The following MIA2 variants were observed in gnomAD, a reference collection of about 807,000 sequenced individuals.
MIA2 encodes MIA SH3 domain ER export factor 2.
MIA2 carries 127 observed loss-of-function variants against 167.8 expected under a neutral mutation model. The observed-to-expected ratio is 0.76, with a 90% CI of 0.66 to 0.88. The LOEUF (loss-of-function observed/expected upper bound fraction) is 0.88, where lower values mean the gene tolerates loss of function less well. Ranked by LOEUF, MIA2 falls within the 40% of genes least tolerant of loss-of-function variation. MIA2 has a pLI of 0.00. For missense variants in MIA2, 1,690 were observed against 1,624.7 expected, an observed-to-expected ratio of 1.04 and a Z score of -0.69; for synonymous variants, 552 against 541.9, an observed-to-expected ratio of 1.02 and a Z score of -0.26.
At chr14:39,359,854 G>A (rs911298860) in intron 23 of MIA2, among the ~76,000 whole-genome samples, 3 of 152,140 alleles carry the variant, frequency 2.0e-5, no homozygotes, top group Non-Finnish European at 4.4e-5. Flanking sequence ...CCCAGTTAAT[G>A]GCATTGCAGG....
At chr14:39,263,423 G>A (rs1455915033) in intron 6 of MIA2, among the ~76,000 whole-genome samples, 4 of 149,696 alleles carry the variant, frequency 2.7e-5, no homozygotes, top group East Asian at 2.0e-4. Flanking sequence ...TTGTAGAGAC[G>A]AGAGCTCACT....
At position 39,345,906 on chromosome 14, in the gene MIA2, C is replaced by A; in HGVS notation, c.3658C>A (p.Gln1220Lys). 1 of 1,602,956 alleles carries A rather than the reference C, an allele frequency of 6.2e-7. No individual in the cohort carries two copies. Among genetic ancestry groups the A allele is most frequent in the Admixed American group, 1.7e-5 (1 of 57,952 alleles). Residue 1220 changes from glutamine to lysine, a missense_variant and splice_region_variant, in exon 26 of 29, where the codon CAA becomes AAA. By Grantham distance (53) the Gln-to-Lys change is moderately conservative. Transcript: ENST00000640607. The part of the protein sequence containing the change: ...DRRMMFPPPG[Q>K]SYPDSALPPQ... ...CATTTTAAAAACTTATTTTCTAGGA[C>A]AATCATATCCTGATTCAGCCCTTCC...
At chr14:39,386,426 C>T in intron 23 of MIA2, 1 of 1,552,606 alleles carries the variant, frequency 6.4e-7, no homozygotes, top group Non-Finnish European at 8.9e-7. Context: ...AAGGCTGTTT[C>T]TAGCAGAACC....
chr14:39,351,460 CTG>C (rs1399057604), downstream of MIA2: 3 of 151,806 alleles, frequency 2.0e-5, no homozygotes, highest in African/African-American at 7.3e-5. Flanking sequence ...AAAATGAAGA[CTG>C]TGAAAATGTA....
chr14:39,378,406 T>C (rs752869226), intron 23 of MIA2, among the ~76,000 whole-genome samples: 109 of 152,196 alleles, frequency 7.2e-4, no homozygotes, highest in Admixed American at 4.6e-3. Flanking sequence ...GTTTTCCTCT[T>C]TATTCCAATG....
chr14:39,271,174 T>A (rs969775375), intron 6 of MIA2, among the ~76,000 whole-genome samples: 1 of 152,236 alleles, frequency 6.6e-6, no homozygotes, highest in Non-Finnish European at 1.5e-5. Flanking sequence ...TTCCTTGGCA[T>A]GTGGATATTT....
intron 18 of MIA2, among the ~76,000 whole-genome samples, chr14:39,311,869 G>A (rs551420665): frequency 1.7e-4 from 26 of 148,600 alleles, no homozygotes; most frequent in African/African-American, 6.0e-4. Context: ...TAGCTCTGTC[G>A]CCCAGGCTGG....
intron 13 of MIA2, 22 bp downstream of exon 13, chr14:39,295,051 T>C (rs1274770619): frequency 1.4e-6 from 2 of 1,468,244 alleles, no homozygotes; most frequent in South Asian, 2.3e-5. Flanking sequence ...GTAGGGACTC[T>C]TCAACTTGTG....
At chr14:39,311,390 A>G (rs976752043) in intron 18 of MIA2, among the ~76,000 whole-genome samples, 4 of 150,260 alleles carry the variant, frequency 2.7e-5, no homozygotes, top group Admixed American at 6.6e-5. Context: ...GATGTTTTTC[A>G]TGACTGATAT....
At chr14:39,385,251 T>C (rs917891979) in intron 23 of MIA2, among the ~76,000 whole-genome samples, 1 of 152,168 alleles carries the variant, frequency 6.6e-6, no homozygotes, top group Non-Finnish European at 1.5e-5. Context: ...TCATTTTAAA[T>C]GATGAGGTAG....
chr14:39,271,317 G>C (rs1382029586), intron 6 of MIA2, among the ~76,000 whole-genome samples: 1 of 152,096 alleles, frequency 6.6e-6, no homozygotes, highest in Non-Finnish European at 1.5e-5. Context: ...TCATTGGTCT[G>C]TGTCTGTCCC....
intron 17 of MIA2, among the ~76,000 whole-genome samples, chr14:39,304,914 A>G (rs1479289178): frequency 6.6e-6 from 1 of 152,206 alleles, no homozygotes. Flanking sequence ...AGTTCTGTCA[A>G]TATGTTTGAA....
intron 14 of MIA2, 63 bp downstream of exon 14, chr14:39,300,049 T>G (rs2062140820): frequency 6.4e-7 from 1 of 1,552,130 alleles, no homozygotes; most frequent in East Asian, 2.3e-5. Context: ...CTCTGAAATT[T>G]GAAAGCTAGT....
chr14:39,296,405 C>G (rs1182661326), intron 13 of MIA2, among the ~76,000 whole-genome samples: 3 of 151,718 alleles, frequency 2.0e-5, no homozygotes, highest in Non-Finnish European at 2.9e-5. Context: ...AGAAGCTATT[C>G]AGATAATTGG....
At chr14:39,327,165 A>G (rs967536620) in intron 25 of MIA2, 143 bp downstream of exon 25, 1 of 542,388 alleles carries the variant, frequency 1.8e-6, no homozygotes, top group South Asian at 7.0e-5. Context: ...ATGATAAATA[A>G]TCTAAACAGA....
downstream of MIA2, among the ~76,000 whole-genome samples, chr14:39,354,514 T>C (rs1043186183): frequency 1.3e-5 from 2 of 152,240 alleles, no homozygotes; most frequent in Non-Finnish European, 2.9e-5. Flanking sequence ...GTAGGTTGCC[T>C]GTTTATTCTG....
At chr14:39,308,697 T>C in intron 18 of MIA2, 110 bp downstream of exon 18, 1 of 895,274 alleles carries the variant, frequency 1.1e-6, no homozygotes, top group Non-Finnish European at 1.6e-6. Flanking sequence ...TATGATTAGA[T>C]TGTATTTCAT....
intron 25 of MIA2, among the ~76,000 whole-genome samples, chr14:39,328,597 A>T (rs1225608637): frequency 6.6e-6 from 1 of 152,116 alleles, no homozygotes; most frequent in African/African-American, 2.4e-5. Context: ...TTATGGTTTT[A>T]GTTCTTATAT....
chr14:39,240,043 C>T (rs1017544157), intron 2 of MIA2, among the ~76,000 whole-genome samples: 2 of 152,256 alleles, frequency 1.3e-5, no homozygotes, highest in African/African-American at 4.8e-5. Flanking sequence ...TCAAGGCAGC[C>T]CCAGAAAAGT....
Sources: allele counts gnomAD v4.1 joint callset (sites outside exome capture counted in the v4.1 genomes callset), GRCh38; gene constraint gnomAD v4.1.1; transcripts MANE v1.5; gene names NCBI Gene and HGNC (gene_info 2026-07-23, HGNC 2026-07-21).